FAM135B: variants seen among roughly 807,000 people sequenced by gnomAD.
FAM135B encodes the protein protein FAM135B.
A neutral mutation model predicts 127.7 loss-of-function variants in FAM135B; 43 were observed. That is an observed-to-expected ratio of 0.34 (90% CI 0.26 to 0.43). The LOEUF is 0.43. Among genes scored for constraint, FAM135B ranks in the 20% least tolerant of loss-of-function variants. The pLI is 1.00. For synonymous variants in FAM135B, 670 were observed against 665.1 expected (o/e 1.01, Z -0.11); for missense variants, 1,558 against 1,725.6 (o/e 0.90, Z 1.72).
intron 7 of FAM135B, among the ~76,000 whole-genome samples, chr8:138,223,844 A>G (rs1295130092): frequency 6.6e-6 from 1 of 152,248 alleles, no homozygotes; most frequent in Admixed American, 6.5e-5. Context: ...AACGTGGAAT[A>G]CTATGCAGCC....
chr8:138,147,831 T>C (rs1418138651), intron 14 of FAM135B, among the ~76,000 whole-genome samples: 1 of 152,198 alleles, frequency 6.6e-6, no homozygotes, highest in Non-Finnish European at 1.5e-5. Context: ...ACAAAGTTAT[T>C]GAGAGTCTTA....
chr8:138,348,258 C>T (rs1201501159), intron 2 of FAM135B, among the ~76,000 whole-genome samples: 1 of 150,162 alleles, frequency 6.7e-6, no homozygotes, highest in Non-Finnish European at 1.5e-5. Flanking sequence ...TCTCAGCCTT[C>T]CGAGTAGCTG....
At chr8:138,365,405 G>A (rs976595982) in intron 2 of FAM135B, among the ~76,000 whole-genome samples, 2 of 152,016 alleles carry the variant, frequency 1.3e-5, no homozygotes, top group African/African-American at 4.8e-5. Flanking sequence ...TTTTGTTAAC[G>A]GTGATTATTT....
At chr8:138,370,095 C>T (rs1295006192) in intron 1 of FAM135B, among the ~76,000 whole-genome samples, 1 of 152,222 alleles carries the variant, frequency 6.6e-6, no homozygotes, top group South Asian at 2.1e-4. Context: ...CCGAGCCACA[C>T]AGACAGTGGT....
At chr8:138,419,520 T>C (rs1834364247) in intron 1 of FAM135B, among the ~76,000 whole-genome samples, 1 of 152,118 alleles carries the variant, frequency 6.6e-6, no homozygotes, top group South Asian at 2.1e-4. Context: ...AACAGACATC[T>C]ACAGAACATT....
intron 1 of FAM135B, among the ~76,000 whole-genome samples, chr8:138,406,890 G>C (rs1833535393): frequency 1.3e-5 from 2 of 151,522 alleles, no homozygotes; most frequent in Admixed American, 6.6e-5. Context: ...ATTCAACATA[G>C]TGTTGGAAGT....
chr8:138,257,889 A>AAT (rs1822218500), intron 4 of FAM135B, among the ~76,000 whole-genome samples: 1 of 142,098 alleles, frequency 7.0e-6, no homozygotes, highest in African/African-American at 2.5e-5. Flanking sequence ...AAAAAATAAA[A>AAT]AAAAAAATAA....
chr8:138,176,014 T>TGTGGCTAAACA (rs1814433084), intron 11 of FAM135B, among the ~76,000 whole-genome samples: 1 of 152,160 alleles, frequency 6.6e-6, no homozygotes, highest in Admixed American at 6.5e-5. Context: ...TTACCCACTG[T>TGTGGCTAAACA]GTGGATAAGG....
chr8:138,167,984 G>C lies in FAM135B; in HGVS notation c.1169C>G (p.Pro390Arg), dbSNP rs767500178. Residue 390 changes from proline (P) to arginine (R), a missense_variant, in exon 12 of 20, where the codon CCG becomes CGG. Around this residue, in one of 5 missense-constraint regions of FAM135B, gnomAD observed 115 missense variants for 171.1 expected, o/e 0.67. Transcript: ENST00000395297. ...RNSEYLTSMP[P>R]LPAECLDIDG... ...GATGTCCAGGCACTCTGCAGGCAGC[G>C]GGGGCATGCTAGTGAGGTACTCCGA... 6.2e-7 allele frequency: 1 copy of C among 1,613,918 alleles called. No homozygotes were observed. The highest frequency in any genetic ancestry group is 1.7e-5 in the Admixed American group (1 of 59,996).
chr8:138,491,546 A>G (rs1815199708), intron 1 of FAM135B, among the ~76,000 whole-genome samples: 1 of 152,194 alleles, frequency 6.6e-6, no homozygotes, highest in African/African-American at 2.4e-5. Flanking sequence ...TCATTTTCTA[A>G]TTCCCAGTCA....
chr8:138,306,277 A>C (rs1826248065), intron 3 of FAM135B, among the ~76,000 whole-genome samples: 1 of 151,706 alleles, frequency 6.6e-6, no homozygotes, highest in Non-Finnish European at 1.5e-5. Context: ...TCTACTAAAA[A>C]TATGAAAATT....
chr8:138,276,092 A>G (rs942817597), intron 3 of FAM135B, among the ~76,000 whole-genome samples: 2 of 152,156 alleles, frequency 1.3e-5, no homozygotes, highest in African/African-American at 4.8e-5. Context: ...AAGGATGCCC[A>G]GAATGCACAA....
intron 6 of FAM135B, among the ~76,000 whole-genome samples, 153 bp downstream of exon 6, chr8:138,250,688 G>C (rs1255712565): frequency 6.6e-6 from 1 of 151,922 alleles, no homozygotes; most frequent in Non-Finnish European, 1.5e-5. Context: ...TTCCTCTCTC[G>C]CATGCTCCTC....
intron 1 of FAM135B, among the ~76,000 whole-genome samples, chr8:138,419,177 G>A (rs1834344248): frequency 6.6e-6 from 1 of 151,968 alleles, no homozygotes; most frequent in Admixed American, 6.6e-5. Context: ...CAAGCAAACA[G>A]AAAACAACAG....
At chr8:138,142,936 A>C in intron 16 of FAM135B, 76 bp downstream of exon 16, 1 of 773,236 alleles carries the variant, frequency 1.3e-6, no homozygotes, top group Non-Finnish European at 2.3e-6. Flanking sequence ...GCATCATATT[A>C]TTGCTTTTAT....
intron 3 of FAM135B, among the ~76,000 whole-genome samples, chr8:138,296,492 A>G (rs1269229999): frequency 6.6e-6 from 1 of 152,220 alleles, no homozygotes; most frequent in Admixed American, 6.5e-5. Flanking sequence ...CTAATCTGTA[A>G]AGCAGACAAA....
At chr8:138,374,345 C>T (rs1273433395) in intron 1 of FAM135B, among the ~76,000 whole-genome samples, 2 of 152,120 alleles carry the variant, frequency 1.3e-5, no homozygotes, top group Admixed American at 6.6e-5. Context: ...ATTAAACTGA[C>T]TTTTGTAGAG....
chr8:138,167,161 G>A (rs1198284739), intron 12 of FAM135B, among the ~76,000 whole-genome samples: 1 of 152,012 alleles, frequency 6.6e-6, no homozygotes. Flanking sequence ...CATACAGACA[G>A]TTGCCCAAAT....
intron 2 of FAM135B, among the ~76,000 whole-genome samples, chr8:138,334,111 C>T (rs560356324): frequency 1.2e-3 from 181 of 152,222 alleles, no homozygotes; most frequent in African/African-American, 4.0e-3. Flanking sequence ...TTAGTAGAGA[C>T]GGGGTTTTGC....
Sources: gnomAD v4.1 joint callset for allele counts (sites outside exome capture counted in the v4.1 genomes callset) on GRCh38, gnomAD v4.1.1 for gene constraint, gnomAD v4.1.1 regional missense constraint, MANE v1.5 for transcripts, NCBI Gene and HGNC (gene_info 2026-07-23, HGNC 2026-07-21) for gene names.